SCAF4: variants seen among roughly 807,000 people sequenced by gnomAD.
The protein encoded by SCAF4 is SR-related CTD associated factor 4.
In SCAF4, 25 loss-of-function variants were observed where a neutral mutation model predicts 129.8. That is an observed-to-expected ratio of 0.19 (90% CI 0.14 to 0.27). The LOEUF is 0.27. Among genes scored for constraint, SCAF4 ranks in the 10% least tolerant of loss-of-function variants. The pLI, the probability that SCAF4 is intolerant of heterozygous loss-of-function variation, is 1.00. For synonymous variants in SCAF4, 551 were observed against 497.7 expected (o/e 1.11, Z -1.43); for missense variants, 1,246 against 1,457.1 (o/e 0.86, Z 2.36).
intron 19 of SCAF4, among the ~76,000 whole-genome samples, chr21:31,677,913 G>A (rs2049899309): frequency 6.6e-6 from 1 of 152,180 alleles, no homozygotes; most frequent in South Asian, 2.1e-4. Context: ...AGGGCTGCAA[G>A]GGTTAAATGA....
Position 31,706,342 on chromosome 21 carries a change from C to T in SCAF4, c.46G>A (p.Asp16Asn), listed in dbSNP as rs776382526. The change falls in exon 2 of 20, where the codon GAT (aspartate) becomes AAT (asparagine). Residue 16 changes from aspartate to asparagine, a missense_variant. Transcript: ENST00000286835. ...GCTCTAGAGATGGGAGGTTTCATAT[C>T]CATAAGCGAAAAGAGCTTAAAAGAC... ...AFNQELFSLM[D>N]MKPPISRAKM... is the part of the protein sequence containing the mutation. 13 of 1,608,546 alleles carry T rather than the reference C, an allele frequency of 8.1e-6. No homozygotes were observed. In the African/African-American group the frequency reaches 1.2e-4, roughly 15 times the overall value.
At chr21:31,688,114 CAAAAAAAAA>C (rs61592268) in intron 16 of SCAF4, among the ~76,000 whole-genome samples, 184 bp downstream of exon 16, 89 of 10,892 alleles carry the variant, frequency 8.2e-3, no homozygotes, top group Non-Finnish European at 0.011. Context: ...GACTCTGTCT[CAAAAAAAAA>C]AAAAAAAAAA....
At chr21:31,730,666 C>A (rs1463610630) in intron 1 of SCAF4, among the ~76,000 whole-genome samples, 1 of 152,230 alleles carries the variant, frequency 6.6e-6, no homozygotes, top group Admixed American at 6.5e-5. Flanking sequence ...CAACCCATGA[C>A]AATAGTTCCC....
chr21:31,706,021 G>GA (rs2050652489), intron 2 of SCAF4, among the ~76,000 whole-genome samples: 4 of 152,222 alleles, frequency 2.6e-5, no homozygotes, highest in Non-Finnish European at 5.9e-5. Flanking sequence ...AGTGAGCTGA[G>GA]ATCGCACCAC....
intron 2 of SCAF4, among the ~76,000 whole-genome samples, 160 bp from the exon 3 acceptor site, chr21:31,705,627 CAG>C (rs535028806): frequency 1.4e-3 from 209 of 151,868 alleles, no homozygotes; most frequent in African/African-American, 5.0e-3. Context: ...TTAAAAAACT[CAG>C]AGAAAAATAA....
intron 1 of SCAF4, 134 bp from the exon 2 acceptor site, chr21:31,706,491 AG>A (rs2050666450): frequency 3.2e-6 from 2 of 627,736 alleles, no homozygotes; most frequent in East Asian, 2.8e-5. Context: ...CTTAGCAGCT[AG>A]GGCAGCAGGA....
In SCAF4 at chr21:31,685,239, A is replaced by T; in HGVS notation, c.2298T>A (p.Ser766=). 6.3e-7 allele frequency: 1 copy of T among 1,590,692 alleles called. No individual in the cohort carries two copies. The change falls in exon 19 of 20, where the codon TCT becomes TCA. Residue 766 remains serine (S), a splice_region_variant and synonymous_variant. Transcript: ENST00000286835. ...TGTCTTCATTTATACCAGCGATAGT[A>T]GCTAAGGAATATAATTATATCAACA... is the stretch of plus-strand genomic sequence containing the variant. The part of the protein sequence containing the change: ...PHTPPISIPN[S]TIAGINEDTT...
intron 19 of SCAF4, among the ~76,000 whole-genome samples, chr21:31,677,501 CTATG>C (rs1373457232): frequency 6.6e-6 from 1 of 152,166 alleles, no homozygotes; most frequent in African/African-American, 2.4e-5. Flanking sequence ...TCTCACAACC[CTATG>C]TAACTGGGCT....
At position 31,691,918 on chromosome 21, in the gene SCAF4, T is replaced by C; in HGVS notation, c.1627A>G (p.Arg543Gly). 6.4e-7 allele frequency: 1 copy of C among 1,572,492 alleles called. No homozygotes were observed. The highest frequency in any genetic ancestry group is 8.7e-7 in the Non-Finnish European group (1 of 1,153,110). ...PIESINMIPP[R>G]GCAYIVMVHR... ...ACCATAACAATATAGGCACAACCCC[T>C]GGGAGGAATCATCTGCTCCAAAACA... The change falls in exon 14 of 20, where the codon AGG (arginine) becomes GGG (glycine). Residue 543 changes from arginine to glycine, a missense_variant. By Grantham distance (125) the Arg-to-Gly change is moderately radical. This residue lies in a region of SCAF4 where 468 missense variants were observed against 605.5 expected (regional missense o/e 0.77). Coordinates refer to ENST00000286835, the MANE Select transcript of SCAF4 (RefSeq NM_020706.2).
At position 31,671,984 on chromosome 21, in the gene SCAF4, C is replaced by T. The variant is rs148710941; in HGVS notation, c.2859G>A (p.Pro953=). The T allele has an allele frequency of 1.2e-4, 192 of 1,611,408 alleles. 1 individual carries two copies. The African/African-American group carries it at 1.8e-3, about 15-fold the overall frequency. ...GCTGCTGTGGTTGCTGGGGCGCCTG[C>T]GGCTGTGGCTGCTGCTGTGGCTGCT... ...PPQQPQQQPQ[P]QAPQQPQQQQ... Residue 953 remains proline (P), a synonymous_variant, in exon 20 of 20, where the codon CCG becomes CCA. Transcript: ENST00000286835.
At position 31,696,146 on chromosome 21, in the gene SCAF4, C is replaced by G. The variant is rs944631522; in HGVS notation, c.1035G>C (p.Met345Ile). ...GCATTGGATCCTGTTGTATTCCCATCATTCGTGGCTGAAACTGATCCATAT... is the reference window on the plus strand; with the variant it reads ...GCATTGGATCCTGTTGTATTCCCATGATTCGTGGCTGAAACTGATCCATAT... ...HQNMDQFQPRMMGIQQDPMHH... is the reference protein window; with the variant it reads ...HQNMDQFQPRIMGIQQDPMHH... The change falls in exon 9 of 20, where the codon ATG becomes ATC. Residue 345 changes from methionine to isoleucine, a missense_variant. By Grantham distance (10) the Met-to-Ile change is conservative (BLOSUM62 1). Transcript: ENST00000286835. 2 of 1,613,782 alleles carry G rather than the reference C, an allele frequency of 1.2e-6. No individual in the cohort carries two copies. The highest frequency in any genetic ancestry group is 1.7e-6 in the Non-Finnish European group (2 of 1,179,768).
chr21:31,693,376 T>A lies in SCAF4; in HGVS notation c.1431A>T (p.Arg477=). The A allele has an allele frequency of 6.3e-7, 1 of 1,579,300 alleles. No homozygotes were observed. The highest frequency in any genetic ancestry group is 8.7e-7 in the Non-Finnish European group (1 of 1,155,134). ...RDRRRHSPRS[R]SQERRDREKE... is the part of the protein sequence containing the mutation. ...TTTCTCGATCCCGTCTTTCTTGAGATCGAGATCGGGGAGAATGTCGGCGTC... is the reference window on the plus strand; with the variant it reads ...TTTCTCGATCCCGTCTTTCTTGAGAACGAGATCGGGGAGAATGTCGGCGTC... The change falls in exon 12 of 20, where the codon CGA becomes CGT. Residue 477 remains arginine, a synonymous_variant. Coordinates refer to ENST00000286835, the MANE Select transcript of SCAF4 (RefSeq NM_020706.2).
chr21:31,685,744 A>C lies in SCAF4; in HGVS notation c.2044-11T>G. On this transcript the variant is annotated splice_polypyrimidine_tract_variant and intron_variant, in intron 16 of 19. Transcript: ENST00000286835. ...TTGATGTGGTGGGACCTAGAAAGAA[A>C]GATAAAAGAATAAACCACCTATCTA... 1 of 1,560,874 alleles carries C rather than the reference A, an allele frequency of 6.4e-7. No individual in the cohort carries two copies.
intron 8 of SCAF4, 31 bp from the exon 9 acceptor site, chr21:31,696,252 T>G: frequency 1.9e-6 from 3 of 1,543,048 alleles, no homozygotes; most frequent in Non-Finnish European, 2.7e-6. Flanking sequence ...TTTTACCCAT[T>G]CAAAAGCACA....
At chr21:31,692,326 TA>T in intron 13 of SCAF4, 22 bp downstream of exon 13, 2 of 1,568,478 alleles carry the variant, frequency 1.3e-6, no homozygotes, top group Non-Finnish European at 1.8e-6. Flanking sequence ...CCATCGTACT[TA>T]AAAAACTGAA....
chr21:31,731,737 G>C lies in SCAF4; in HGVS notation c.-45C>G, dbSNP rs1358877160. Reference sequence around the variant, plus strand: ...CTGCTCCGGGCCCGCCGGTCACATAGACCTCGCGCCGCGGCGGAGCGGGGC... The same window carrying C: ...CTGCTCCGGGCCCGCCGGTCACATACACCTCGCGCCGCGGCGGAGCGGGGC... On this transcript the variant is annotated 5_prime_UTR_variant, in exon 1 of 20. Coordinates refer to ENST00000286835, the MANE Select transcript of SCAF4 (RefSeq NM_020706.2). 1.3e-6 allele frequency: 2 copies of C among 1,557,812 alleles called. No homozygotes were observed. The highest frequency in any genetic ancestry group is 1.9e-5 in the Admixed American group (1 of 53,968).
chr21:31,696,863 A>T (rs2050400770), intron 7 of SCAF4, 113 bp from the exon 8 acceptor site: 1 of 911,406 alleles, frequency 1.1e-6, no homozygotes, highest in African/African-American at 1.7e-5. Flanking sequence ...ATTGTCAAGC[A>T]CAATCTTATT....
chr21:31,702,876 A>AC (rs2050568182), intron 4 of SCAF4, among the ~76,000 whole-genome samples: 2 of 152,080 alleles, frequency 1.3e-5, no homozygotes, highest in African/African-American at 2.4e-5. Context: ...TTTTGGGTGT[A>AC]TTTTTCCCAC....
At position 31,712,952 on chromosome 21, in the gene SCAF4, CT is replaced by C. The variant is rs575371688; in HGVS notation, c.31-6596del. On this transcript the variant is annotated intron_variant, in intron 1 of 19. Coordinates refer to ENST00000286835, the MANE Select transcript of SCAF4 (RefSeq NM_020706.2). ...TGTCTTGGTCTCTAACTCCTACCCCCTCTCACATACACCAATCCCCGACTTT... is the reference window on the plus strand; with the variant it reads ...TGTCTTGGTCTCTAACTCCTACCCCCCTCACATACACCAATCCCCGACTTT... 1.9e-3 allele frequency: 1,317 copies of C among 701,236 alleles called. 14 individuals are homozygous for C. The African/African-American group carries it at 0.024, about 13-fold the overall frequency. 43.4% of individuals were successfully genotyped at this position (701,236 alleles called of 1,614,324 possible).
Sources: allele counts gnomAD v4.1 joint callset (sites outside exome capture counted in the v4.1 genomes callset), GRCh38; gene constraint gnomAD v4.1.1; regional missense constraint gnomAD v4.1.1; transcripts MANE v1.5; gene names NCBI Gene and HGNC (gene_info 2026-07-23, HGNC 2026-07-21).